The following DLGAP2 variants were observed in gnomAD, a reference collection of about 807,000 sequenced individuals.
DLGAP2 encodes DLG associated protein 2, also known as disks large-associated protein 2.
A neutral mutation model predicts 100.3 loss-of-function variants in DLGAP2; 26 were observed. The observed-to-expected ratio is 0.26, with a 90% CI of 0.19 to 0.36. The LOEUF is 0.36. DLGAP2 is among the 10% of genes least tolerant of loss of function. The pLI is 1.00. For synonymous variants in DLGAP2, 886 were observed against 630.1 expected (o/e 1.41, Z -6.08); for missense variants, 1,858 against 1,453.2 (o/e 1.28, Z -4.53).
chr8:1,305,129 T>C (rs966262693), intron 3 of DLGAP2, among the ~76,000 whole-genome samples: 1 of 152,178 alleles, frequency 6.6e-6, no homozygotes, highest in African/African-American at 2.4e-5. Flanking sequence ...GCAGCCTGGG[T>C]AAAAAAGCTT....
intron 3 of DLGAP2, among the ~76,000 whole-genome samples, chr8:1,374,174 G>T (rs765335430): frequency 1.2e-3 from 189 of 151,252 alleles, no homozygotes; most frequent in Non-Finnish European, 2.2e-3. Flanking sequence ...TAGGTTTGCA[G>T]AGGGCTGTGG....
At chr8:1,554,257 C>T (rs1801879850) in intron 5 of DLGAP2, among the ~76,000 whole-genome samples, 1 of 152,086 alleles carries the variant, frequency 6.6e-6, no homozygotes, top group Non-Finnish European at 1.5e-5. Context: ...CACTGCACTC[C>T]AGCCTGGGTG....
At chr8:1,569,771 C>T (rs772676535) in intron 6 of DLGAP2, among the ~76,000 whole-genome samples, 22 of 152,338 alleles carry the variant, frequency 1.4e-4, no homozygotes, top group African/African-American at 4.8e-4. Flanking sequence ...CCCCAAGCCC[C>T]GTGGCCTTCA....
chr8:1,502,660 C>G (rs1382991043), intron 4 of DLGAP2, among the ~76,000 whole-genome samples: 1 of 152,198 alleles, frequency 6.6e-6, no homozygotes, highest in Non-Finnish European at 1.5e-5. Flanking sequence ...AAACCTCAGT[C>G]TGGCAATACT....
At chr8:1,019,689 A>G (rs1324735663) in intron 2 of DLGAP2, 2 of 152,160 alleles carry the variant, frequency 1.3e-5, no homozygotes, top group Non-Finnish European at 2.9e-5. Flanking sequence ...TTATACATAT[A>G]AAGATATGTC....
At chr8:1,614,833 T>C (rs970685949) in intron 6 of DLGAP2, among the ~76,000 whole-genome samples, 1 of 142,382 alleles carries the variant, frequency 7.0e-6, no homozygotes, top group Non-Finnish European at 1.5e-5. Context: ...CACACACACA[T>C]GCATTGCACG....
At chr8:1,329,144 C>A (rs576271745) in intron 3 of DLGAP2, among the ~76,000 whole-genome samples, 4 of 152,308 alleles carry the variant, frequency 2.6e-5, no homozygotes, top group African/African-American at 9.6e-5. Flanking sequence ...ATGTATGCAC[C>A]AAACTGGGCC....
rs369661548 is a variant in DLGAP2, at chr8:1,333,307, C to T, written c.106+74424C>T. The stretch of plus-strand genomic sequence containing the variant: ...CACCTCGAGTCTCAGGACACGGGGA[C>T]GGGCAGGGCTGGGGTGTGGGCGTCT... On this transcript the variant is annotated intron_variant, in intron 3 of 14. Coordinates refer to ENST00000637795, the MANE Select transcript of DLGAP2 (RefSeq NM_001346810.2). Among the ~76,000 whole-genome samples the T allele has an allele frequency of 1.2e-3, 175 of 152,130 alleles. 1 individual carries two copies. Among genetic ancestry groups the T allele is most frequent in the Admixed American group, 2.9e-3 (45 of 15,300 alleles).
chr8:1,372,374 C>A (rs1802262054), intron 3 of DLGAP2, among the ~76,000 whole-genome samples: 1 of 152,210 alleles, frequency 6.6e-6, no homozygotes, highest in African/African-American at 2.4e-5. Flanking sequence ...CGAGGGCCGA[C>A]TCTGCAGGCG....
intron 3 of DLGAP2, among the ~76,000 whole-genome samples, chr8:1,498,187 T>A (rs1242148476): frequency 6.6e-6 from 1 of 152,098 alleles, no homozygotes; most frequent in Non-Finnish European, 1.5e-5. Flanking sequence ...TGGGTGAAGA[T>A]AAGGGGTTGT....
intron 6 of DLGAP2, among the ~76,000 whole-genome samples, chr8:1,579,490 T>C (rs1803138437): frequency 6.6e-6 from 1 of 152,074 alleles, no homozygotes; most frequent in Non-Finnish European, 1.5e-5. Flanking sequence ...AAACTAAAAA[T>C]AATATCGCCA....
intron 2 of DLGAP2, among the ~76,000 whole-genome samples, chr8:1,074,879 G>C (rs1194388827): frequency 1.3e-5 from 2 of 152,222 alleles, no homozygotes; most frequent in African/African-American, 4.8e-5. Context: ...ATCACCAGCA[G>C]GGTCCTGCAT....
intron 2 of DLGAP2, among the ~76,000 whole-genome samples, chr8:1,161,576 C>T (rs2129052692): frequency 6.6e-6 from 1 of 152,322 alleles, no homozygotes; most frequent in Middle Eastern, 3.4e-3. Flanking sequence ...TCGGCGCCTT[C>T]CCAAACTCCG....
intron 2 of DLGAP2, among the ~76,000 whole-genome samples, chr8:959,468 T>C (rs1190870477): frequency 6.6e-6 from 1 of 152,196 alleles, no homozygotes; most frequent in African/African-American, 2.4e-5. Flanking sequence ...CATGCTGGCT[T>C]AGAATGTGGT....
At chr8:1,411,014 G>C (rs1584871053) in intron 3 of DLGAP2, among the ~76,000 whole-genome samples, 1 of 152,238 alleles carries the variant, frequency 6.6e-6, no homozygotes, top group South Asian at 2.1e-4. Context: ...TAATATTTCT[G>C]TGGGTTTATT....
chr8:1,623,718 T>A (rs191898138), intron 6 of DLGAP2, among the ~76,000 whole-genome samples: 1 of 152,236 alleles, frequency 6.6e-6, no homozygotes, highest in East Asian at 1.9e-4. Context: ...GCAATGTGCG[T>A]CTGATGCTGC....
chr8:749,113 C>A (rs1483175405), intron 1 of DLGAP2, among the ~76,000 whole-genome samples: 1 of 152,168 alleles, frequency 6.6e-6, no homozygotes, highest in African/African-American at 2.4e-5. Flanking sequence ...GATATTCCTG[C>A]CTCAGCCCTT....
chr8:792,805 T>C (rs1478592037), intron 1 of DLGAP2, among the ~76,000 whole-genome samples: 1 of 152,256 alleles, frequency 6.6e-6, no homozygotes, highest in East Asian at 1.9e-4. Flanking sequence ...CATCTTTTCA[T>C]TGTGTAGTTA....
chr8:785,003 C>T (rs1019463175), intron 1 of DLGAP2, among the ~76,000 whole-genome samples: 3 of 151,694 alleles, frequency 2.0e-5, no homozygotes, highest in African/African-American at 7.3e-5. Context: ...GTCAGGAGAT[C>T]GAGACCATCC....
Sources: gnomAD v4.1 joint callset for allele counts (sites outside exome capture counted in the v4.1 genomes callset) on GRCh38, gnomAD v4.1.1 for gene constraint, MANE v1.5 for transcripts, NCBI Gene and HGNC (gene_info 2026-07-23, HGNC 2026-07-21) for gene names.